The following TTC17 variants were observed in gnomAD, a reference collection of about 807,000 sequenced individuals.
TTC17 encodes the protein tetratricopeptide repeat protein 17.
TTC17 carries 58 observed loss-of-function variants against 143.8 expected under a neutral mutation model. The ratio of observed to expected loss-of-function variants is 0.40; its 90% CI spans 0.33 to 0.50. The LOEUF is 0.50. Ranked by LOEUF, TTC17 falls within the 20% of genes least tolerant of loss-of-function variation. The pLI is 0.49. For missense variants in TTC17, 1,273 were observed against 1,392.5 expected (o/e 0.91, Z 1.37); for synonymous variants, 501 against 497.8 (o/e 1.01, Z -0.09).
chr11:43,472,792 C>T (rs751170726), intron 21 of TTC17, among the ~76,000 whole-genome samples: 2 of 145,624 alleles, frequency 1.4e-5, no homozygotes, highest in Non-Finnish European at 3.0e-5. Context: ...TAAATTTTAA[C>T]ACATTTAAAT....
chr11:43,384,318 T>G (rs1857091810), intron 2 of TTC17, among the ~76,000 whole-genome samples: 1 of 152,216 alleles, frequency 6.6e-6, no homozygotes, highest in South Asian at 2.1e-4. Context: ...ATTGGGGCTA[T>G]ATATGTATTT....
chr11:43,428,306 A>G (rs976451602), intron 16 of TTC17, among the ~76,000 whole-genome samples: 2 of 125,012 alleles, frequency 1.6e-5, no homozygotes, highest in African/African-American at 1.1e-4. Context: ...GATTTAAATT[A>G]AAAAAAAAAT....
chr11:43,414,084 T>C (rs539601727), intron 15 of TTC17, among the ~76,000 whole-genome samples: 10 of 152,276 alleles, frequency 6.6e-5, no homozygotes, highest in African/African-American at 2.4e-4. Context: ...TGTTAGAACA[T>C]TACACATCAG....
chr11:43,482,015 G>T (rs1948296407), intron 21 of TTC17, among the ~76,000 whole-genome samples: 1 of 151,946 alleles, frequency 6.6e-6, no homozygotes, highest in Non-Finnish European at 1.5e-5. Context: ...TCACCATGTT[G>T]CCCAGGTCAG....
At chr11:43,470,710 C>T (rs1443939086) in intron 21 of TTC17, among the ~76,000 whole-genome samples, 1 of 152,176 alleles carries the variant, frequency 6.6e-6, no homozygotes, top group Non-Finnish European at 1.5e-5. Flanking sequence ...TAGGAATTAC[C>T]TGGAGGCCTT....
intron 9 of TTC17, 83 bp downstream of exon 9, chr11:43,400,131 T>C: frequency 6.9e-7 from 1 of 1,453,912 alleles, no homozygotes; most frequent in Non-Finnish European, 9.3e-7. Flanking sequence ...TCTTGTAGCC[T>C]TAAAGCAGTG....
In TTC17 at chr11:43,443,500, G is replaced by A. The variant is rs1193243611; in HGVS notation, c.2427G>A (p.Val809=). 6.2e-7 allele frequency: 1 copy of A among 1,614,168 alleles called. No individual in the cohort carries two copies. ...GRRLDLQGIR[V]LKKGPQDGVA... The stretch of plus-strand genomic sequence containing the variant: ...GTCTAGACTTACAAGGAATACGGGT[G>A]CTGAAGAAAGGTCCCCAGGATGGAG... The change falls in exon 17 of 24, where the codon GTG becomes GTA. Residue 809 remains valine (V), a synonymous_variant. Transcript: ENST00000039989.
intron 2 of TTC17, among the ~76,000 whole-genome samples, chr11:43,387,208 A>G (rs929216682): frequency 7.2e-5 from 11 of 152,336 alleles, no homozygotes; most frequent in South Asian, 4.1e-4. Context: ...ATATTATTCT[A>G]TTGGTTGATA....
intron 8 of TTC17, 67 bp downstream of exon 8, chr11:43,398,180 G>A: frequency 1.3e-6 from 2 of 1,564,330 alleles, no homozygotes; most frequent in South Asian, 2.4e-5. Flanking sequence ...TCTGTGTAGG[G>A]GATATCAGTG....
At chr11:43,467,169 T>C (rs1184219742) in intron 21 of TTC17, among the ~76,000 whole-genome samples, 1 of 152,242 alleles carries the variant, frequency 6.6e-6, no homozygotes, top group African/African-American at 2.4e-5. Flanking sequence ...GTTCCACTCC[T>C]GGATATATAT....
At chr11:43,461,704 TGAG>T (rs1465402073) in intron 21 of TTC17, among the ~76,000 whole-genome samples, 1 of 152,160 alleles carries the variant, frequency 6.6e-6, no homozygotes, top group Admixed American at 6.5e-5. Context: ...TGGTACACCC[TGAG>T]GAGTTTCAAT....
At chr11:43,408,806 G>A (rs1284548727) in intron 15 of TTC17, among the ~76,000 whole-genome samples, 1 of 151,946 alleles carries the variant, frequency 6.6e-6, no homozygotes, top group African/African-American at 2.4e-5. Context: ...CAGTGGCGTG[G>A]TCACGGCTCA....
At chr11:43,390,061 C>G (rs1222425970) in intron 3 of TTC17, among the ~76,000 whole-genome samples, 1 of 152,148 alleles carries the variant, frequency 6.6e-6, no homozygotes, top group African/African-American at 2.4e-5. Context: ...AATCCCAGTA[C>G]TTTGTGAGGC....
chr11:43,402,102 CAAT>C (rs1190840526), intron 10 of TTC17, among the ~76,000 whole-genome samples: 1 of 152,082 alleles, frequency 6.6e-6, no homozygotes, highest in Non-Finnish European at 1.5e-5. Context: ...AGGGAGTACT[CAAT>C]AACTCCATGG....
intron 23 of TTC17, 82 bp downstream of exon 23, chr11:43,492,245 C>A: frequency 6.7e-7 from 1 of 1,492,236 alleles, no homozygotes; most frequent in South Asian, 1.4e-5. Flanking sequence ...TTGAATATGT[C>A]ATTGCCCACC....
chr11:43,360,086 C>T (rs1856036670), intron 1 of TTC17, among the ~76,000 whole-genome samples: 1 of 152,176 alleles, frequency 6.6e-6, no homozygotes, highest in African/African-American at 2.4e-5. Context: ...AACGTTTTAA[C>T]TAGTGTGGTG....
chr11:43,385,479 T>G (rs561549533), intron 2 of TTC17: 4 of 152,172 alleles, frequency 2.6e-5, no homozygotes, highest in Non-Finnish European at 5.9e-5. Flanking sequence ...ACCCATGGTT[T>G]AAAGAGAAAA....
At chr11:43,434,786 T>A (rs1947248189) in intron 16 of TTC17, among the ~76,000 whole-genome samples, 2 of 152,208 alleles carry the variant, frequency 1.3e-5, no homozygotes, top group Non-Finnish European at 2.9e-5. Flanking sequence ...CAAAGAATCC[T>A]CAATTTCTGA....
chr11:43,403,222 G>A (rs769853778), intron 10 of TTC17, among the ~76,000 whole-genome samples: 15 of 152,144 alleles, frequency 9.9e-5, no homozygotes, highest in South Asian at 4.1e-4. Flanking sequence ...TCTCAAGACC[G>A]ATCATTTGAA....
Sources: gnomAD v4.1 joint callset for allele counts (sites outside exome capture counted in the v4.1 genomes callset) on GRCh38, gnomAD v4.1.1 for gene constraint, MANE v1.5 for transcripts, NCBI Gene and HGNC (gene_info 2026-07-23, HGNC 2026-07-21) for gene names.